Variants in INO80 observed in about 807,000 individuals in gnomAD.
INO80 encodes chromatin-remodeling ATPase INO80.
INO80 carries 20 observed loss-of-function variants against 203.4 expected under a neutral mutation model. That is an observed-to-expected ratio of 0.10 (90% CI 0.07 to 0.14). The LOEUF (loss-of-function observed/expected upper bound fraction) is 0.14, where lower values mean the gene tolerates loss of function less well. Ranked by LOEUF, INO80 falls within the 10% of genes least tolerant of loss-of-function variation. INO80 has a pLI of 1.00. For missense variants in INO80, 1,419 were observed against 1,914.4 expected, an observed-to-expected ratio of 0.74 and a Z score of 4.83; for synonymous variants, 726 against 685.2, an observed-to-expected ratio of 1.06 and a Z score of -0.93.
intron 1 of INO80, among the ~76,000 whole-genome samples, chr15:41,108,690 G>A (rs1234512111): frequency 6.6e-6 from 1 of 152,062 alleles, no homozygotes; most frequent in Non-Finnish European, 1.5e-5. Context: ...GTAAAATGGG[G>A]GTTCAATTCG....
chr15:41,065,860 CA>C lies in INO80; in HGVS notation c.1782+3709del, dbSNP rs372677725. Among the ~76,000 whole-genome samples, 278 of 152,046 alleles carry C rather than the reference CA, an allele frequency of 1.8e-3. 2 individuals are homozygous for C. Among genetic ancestry groups the C allele is most frequent in the African/African-American group, 6.2e-3 (259 of 41,480 alleles). On this transcript the variant is annotated intron_variant, in intron 14 of 35. Coordinates refer to ENST00000648947, the MANE Select transcript of INO80 (RefSeq NM_017553.3). Reference sequence around the variant, plus strand: ...TTTGTGGTTGCCAGAGGCTACAGCACAAGGTGAATAGAACGTGATTGCTTAG... The same window carrying C: ...TTTGTGGTTGCCAGAGGCTACAGCACAGGTGAATAGAACGTGATTGCTTAG...
intron 1 of INO80, among the ~76,000 whole-genome samples, chr15:41,106,533 G>A (rs2045883249): frequency 6.6e-6 from 1 of 151,818 alleles, no homozygotes; most frequent in Non-Finnish European, 1.5e-5. Context: ...TATTTGGGAG[G>A]CTGAGGTGGG....
At chr15:41,029,309 T>C (rs1346297208) in intron 24 of INO80, among the ~76,000 whole-genome samples, 3 of 149,810 alleles carry the variant, frequency 2.0e-5, no homozygotes, top group Admixed American at 1.3e-4. Flanking sequence ...TACATCTCTG[T>C]AAGGAAATGG....
chr15:41,037,305 C>T (rs1292242313), intron 24 of INO80, among the ~76,000 whole-genome samples: 6 of 151,276 alleles, frequency 4.0e-5, no homozygotes, highest in African/African-American at 7.3e-5. Context: ...GTCAGGAGTT[C>T]GAGATCAGCC....
At chr15:41,004,507 A>G (rs2044008614) in intron 28 of INO80, 1 of 152,246 alleles carries the variant, frequency 6.6e-6, no homozygotes, top group Non-Finnish European at 1.5e-5. Context: ...TGACATTAAG[A>G]TCTGCTTTAT....
chr15:41,040,459 T>C (rs542346910), intron 24 of INO80, among the ~76,000 whole-genome samples: 1 of 152,298 alleles, frequency 6.6e-6, no homozygotes, highest in Non-Finnish European at 1.5e-5. Flanking sequence ...GATGCTACAG[T>C]CCAGTAAGAA....
At chr15:41,046,257 T>A (rs1353970204) in intron 23 of INO80, among the ~76,000 whole-genome samples, 25 of 116,292 alleles carry the variant, frequency 2.1e-4, no homozygotes, top group Middle Eastern at 8.1e-3. Flanking sequence ...ATATATATAT[T>A]CTTGTTCTGT....
chr15:41,045,832 C>T (rs868188160), intron 23 of INO80, among the ~76,000 whole-genome samples: 38 of 151,276 alleles, frequency 2.5e-4, no homozygotes, highest in African/African-American at 7.1e-4. Context: ...ACCCAGGAAG[C>T]GGAGGTTGCA....
In INO80 at chr15:41,021,037, G is replaced by A. The variant is rs2044286433; in HGVS notation, c.3137C>T (p.Ala1046Val). 2 of 1,613,984 alleles carry A rather than the reference G, an allele frequency of 1.2e-6. No individual in the cohort carries two copies. The highest frequency in any genetic ancestry group is 1.7e-6 in the Non-Finnish European group (2 of 1,179,974). The change falls in exon 26 of 36, where the codon GCC (alanine) becomes GTC (valine). Residue 1046 changes from alanine (A) to valine (V), a missense_variant. Ala to Val is a moderately conservative substitution (Grantham distance 64, BLOSUM62 0). Coordinates refer to ENST00000648947, the MANE Select transcript of INO80 (RefSeq NM_017553.3). ...GGCCCCATTCAACAAACACTGCTTG[G>A]CTGCCAGACTCCCTCCTTCCTTCAG... ...RVLKEGGSLA[A>V]KQCLLNGAPE...
At chr15:41,042,117 A>T (rs956292689) in intron 24 of INO80, among the ~76,000 whole-genome samples, 3 of 150,528 alleles carry the variant, frequency 2.0e-5, no homozygotes, top group African/African-American at 7.3e-5. Context: ...GGTTCAAGAG[A>T]TTCTCCTACC....
intron 19 of INO80, among the ~76,000 whole-genome samples, chr15:41,050,708 G>A (rs1260325196): frequency 6.6e-6 from 1 of 152,130 alleles, no homozygotes; most frequent in Non-Finnish European, 1.5e-5. Flanking sequence ...TGGTCTTCCT[G>A]CCTCCAGTTT....
intron 28 of INO80, among the ~76,000 whole-genome samples, chr15:41,000,830 CAGAAGA>C (rs1245438181): frequency 6.7e-6 from 1 of 150,144 alleles, no homozygotes; most frequent in Non-Finnish European, 1.5e-5. Flanking sequence ...GGGCTATATA[CAGAAGA>C]ACACTAGTGA....
At chr15:40,996,698 A>G (rs1056845993) in intron 29 of INO80, among the ~76,000 whole-genome samples, 1 of 152,070 alleles carries the variant, frequency 6.6e-6, no homozygotes, top group Non-Finnish European at 1.5e-5. Context: ...AGAGTGGATA[A>G]TTTGTTGGAA....
chr15:41,044,930 T>G lies in INO80; in HGVS notation c.2881A>C (p.Asn961His). The change falls in exon 24 of 36, where the codon AAC (asparagine) becomes CAC (histidine). Residue 961 changes from asparagine (N) to histidine (H), a missense_variant. By Grantham distance (68) the Asn-to-His change is moderately conservative. Around this residue, in one of 9 missense-constraint regions of INO80, gnomAD observed 302 missense variants for 345.4 expected, o/e 0.87. Transcript: ENST00000648947. The part of the protein sequence containing the change: ...LGVNFPLSFP[N>H]LCSCPLLKSL... ...TTTAACAAAGGGCAGCTGCAAAGGT[T>G]TGGAAAGGAGAGTGGAAAATTAACC... The G allele has an allele frequency of 1.2e-6, 2 of 1,611,938 alleles. No individual in the cohort carries two copies. The highest frequency in any genetic ancestry group is 1.7e-6 in the Non-Finnish European group (2 of 1,179,438).
chr15:41,080,901 C>T (rs566797741), intron 8 of INO80, 119 bp downstream of exon 8: 7 of 703,444 alleles, frequency 1.0e-5, no homozygotes, highest in African/African-American at 5.4e-5. Flanking sequence ...AACTCTCTTA[C>T]GAACTATTAG....
chr15:41,003,431 G>C (rs1197221723), intron 28 of INO80, among the ~76,000 whole-genome samples: 3 of 142,784 alleles, frequency 2.1e-5, no homozygotes, highest in Non-Finnish European at 3.0e-5. Flanking sequence ...CCGAATTCAA[G>C]TGATTCTCCT....
Position 41,096,329 on chromosome 15 carries a change from T to G in INO80, c.-19A>C, listed in dbSNP as rs565205132. Reference sequence around the variant, plus strand: ...AGGCCATAGAACAAATCTGTCTTCATGCACAAGGACCTCCGACTGCACGGC... The same window carrying G: ...AGGCCATAGAACAAATCTGTCTTCAGGCACAAGGACCTCCGACTGCACGGC... On this transcript the variant is annotated 5_prime_UTR_variant, in exon 2 of 36. An upstream start codon of the reference 5' UTR is lost. Coordinates refer to ENST00000648947, the MANE Select transcript of INO80 (RefSeq NM_017553.3). 4 of 1,565,762 alleles carry G rather than the reference T, an allele frequency of 2.6e-6. No individual in the cohort carries two copies. Among genetic ancestry groups the G allele is most frequent in the Non-Finnish European group, 2.6e-6 (3 of 1,163,434 alleles).
At chr15:41,059,532 C>A (rs1415122046) in intron 15 of INO80, among the ~76,000 whole-genome samples, 1 of 150,348 alleles carries the variant, frequency 6.7e-6, no homozygotes, top group Non-Finnish European at 1.5e-5. Context: ...GGTGTGCTGT[C>A]TCCTGCTTGT....
Position 40,985,349 on chromosome 15 carries a change from A to C in INO80, c.3910T>G (p.Tyr1304Asp), listed in dbSNP as rs1596232777. 1 of 1,613,684 alleles carries C rather than the reference A, an allele frequency of 6.2e-7. No homozygotes were observed. The highest frequency in any genetic ancestry group is 8.5e-7 in the Non-Finnish European group (1 of 1,179,654). Residue 1304 changes from tyrosine (Y) to aspartate (D), a missense_variant, in exon 32 of 36, where the codon TAT (tyrosine) becomes GAT (aspartate). Coordinates refer to ENST00000648947, the MANE Select transcript of INO80 (RefSeq NM_017553.3). ...CAGGCTGGAAATACCTTCTCTGCAT[A>C]CTTTTCCCGCTTCCGCTTGCGCTCT... is the stretch of plus-strand genomic sequence containing the variant. ...VKERKRKREK[Y>D]AEKKKKEDEL...
Sources: allele counts gnomAD v4.1 joint callset (sites outside exome capture counted in the v4.1 genomes callset), GRCh38; gene constraint gnomAD v4.1.1; regional missense constraint gnomAD v4.1.1; transcripts MANE v1.5; gene names NCBI Gene and HGNC (gene_info 2026-07-23, HGNC 2026-07-21).